Variants in XIRP2 observed in about 807,000 individuals in gnomAD.
The protein encoded by XIRP2 is xin actin binding repeat containing 2.
In XIRP2, 236 loss-of-function variants were observed where a neutral mutation model predicts 277.0. The observed-to-expected ratio is 0.85, with a 90% confidence interval of 0.77 to 0.95. The LOEUF (loss-of-function observed/expected upper bound fraction) is 0.95, where lower values mean the gene tolerates loss of function less well. XIRP2 is among the 40% of genes least tolerant of loss of function. The probability of loss-of-function intolerance (pLI) is 0.00; values close to 1 mark genes in which losing one functional copy is unlikely to be tolerated. For synonymous variants in XIRP2, 1,490 were observed against 1,416.5 expected (o/e 1.05, Z -1.17); for missense variants, 4,640 against 4,157.5 (o/e 1.12, Z -3.19).
chr2:167,081,309 A>G (rs533143249), intron 2 of XIRP2, among the ~76,000 whole-genome samples: 5 of 152,162 alleles, frequency 3.3e-5, no homozygotes, highest in Non-Finnish European at 7.3e-5. Flanking sequence ...TCTGCAAAAA[A>G]TAAAAATTAA....
Position 167,251,656 on chromosome 2 carries a change from A to G in XIRP2, c.10264A>G (p.Met3422Val), listed in dbSNP as rs1273520924. 1.9e-6 allele frequency: 3 copies of G among 1,613,480 alleles called. No individual in the cohort carries two copies. Among genetic ancestry groups the G allele is most frequent in the Non-Finnish European group, 1.7e-6 (2 of 1,179,642 alleles). ...GTCTCTAAGTGAACATTTCTCAGGC[A>G]TGGATGCATTTGAGAGTCAAATTGT... ...TRSLSEHFSG[M>V]DAFESQIVES... The change falls in exon 9 of 11, where the codon ATG (methionine) becomes GTG (valine). Residue 3422 changes from methionine (M) to valine (V), a missense_variant. Physicochemically the swap from Met to Val is conservative, Grantham distance 21. Transcript: ENST00000409195.
chr2:167,245,401 G>T lies in XIRP2; in HGVS notation c.4009G>T (p.Val1337Phe). 6.2e-7 allele frequency: 1 copy of T among 1,613,656 alleles called. No homozygotes were observed. The highest frequency in any genetic ancestry group is 1.7e-5 in the Admixed American group (1 of 59,978). ...AGGGTCCTATCATGAAGTGACCACA[G>T]TTAAAAAAGAAGAGGTAATTCATGG... ...REGSYHEVTT[V>F]KKEEVIHGDV... The change falls in exon 9 of 11, where the codon GTT becomes TTT. Residue 1337 changes from valine to phenylalanine, a missense_variant. Transcript: ENST00000409195.
chr2:167,057,746 G>C (rs1689071566), intron 2 of XIRP2, among the ~76,000 whole-genome samples: 1 of 151,994 alleles, frequency 6.6e-6, no homozygotes, highest in Non-Finnish European at 1.5e-5. Flanking sequence ...AAATCCTGAA[G>C]GAATTTTCTG....
intron 2 of XIRP2, among the ~76,000 whole-genome samples, chr2:166,915,877 CAA>C (rs1000770824): frequency 5.9e-5 from 9 of 152,116 alleles, no homozygotes; most frequent in African/African-American, 2.2e-4. Context: ...AGACTTTTGA[CAA>C]AGACTATTCA....
intron 2 of XIRP2, among the ~76,000 whole-genome samples, chr2:166,967,616 G>C (rs774096743): frequency 6.6e-6 from 1 of 151,824 alleles, no homozygotes; most frequent in African/African-American, 2.4e-5. Flanking sequence ...AGAGGACAGA[G>C]GTCTTATGCT....
chr2:167,144,153 C>T (rs1691801250), intron 3 of XIRP2, among the ~76,000 whole-genome samples: 1 of 150,706 alleles, frequency 6.6e-6, no homozygotes, highest in South Asian at 2.1e-4. Context: ...ATAAGAATAA[C>T]TTAACTAATA....
chr2:167,168,588 G>A (rs1446506083), intron 3 of XIRP2, among the ~76,000 whole-genome samples: 1 of 151,874 alleles, frequency 6.6e-6, no homozygotes, highest in East Asian at 1.9e-4. Context: ...ATTCCTTTTT[G>A]GTTTTTTCTT....
At position 167,088,128 on chromosome 2, in the gene XIRP2, A is replaced by G. The variant is rs369432171; in HGVS notation, c.409-47781A>G. Among the ~76,000 whole-genome samples, 133 of 152,330 alleles carry G rather than the reference A, an allele frequency of 8.7e-4. 6 individuals are homozygous for G. In the South Asian group the frequency reaches 0.027, roughly 31 times the overall value. ...ATAGGAAGTATAGTTGAGCAAAATC[A>G]TGGATGTTTAAAAGTATCAAAAATT... On this transcript the variant is annotated intron_variant, in intron 2 of 10. Coordinates refer to ENST00000409195, the MANE Select transcript of XIRP2 (RefSeq NM_152381.6).
intron 1 of XIRP2, among the ~76,000 whole-genome samples, chr2:166,894,568 G>A (rs998626209): frequency 6.6e-6 from 1 of 152,102 alleles, no homozygotes; most frequent in Admixed American, 6.6e-5. Flanking sequence ...AATCCCAGGG[G>A]AGCTATTGCT....
chr2:166,929,902 A>T (rs1685284096), intron 2 of XIRP2, among the ~76,000 whole-genome samples: 1 of 152,160 alleles, frequency 6.6e-6, no homozygotes, highest in African/African-American at 2.4e-5. Flanking sequence ...AATATTTAAA[A>T]ATATATGTAG....
At chr2:166,931,336 T>G (rs1685331410) in intron 2 of XIRP2, among the ~76,000 whole-genome samples, 1 of 152,126 alleles carries the variant, frequency 6.6e-6, no homozygotes, top group Non-Finnish European at 1.5e-5. Flanking sequence ...TCTGTTGGAT[T>G]TTACATATTT....
intron 3 of XIRP2, among the ~76,000 whole-genome samples, chr2:167,137,481 G>A (rs2105320020): frequency 6.6e-6 from 1 of 152,246 alleles, no homozygotes; most frequent in Non-Finnish European, 1.5e-5. Flanking sequence ...CCTGTGGAGA[G>A]CTTAGCATAG....
chr2:166,915,808 A>G (rs1464898593), intron 2 of XIRP2, among the ~76,000 whole-genome samples: 3 of 152,166 alleles, frequency 2.0e-5, no homozygotes, highest in Admixed American at 1.3e-4. Context: ...CACTGATATA[A>G]TCAGGTTGAG....
chr2:166,986,376 G>C (rs1687005621), intron 2 of XIRP2, among the ~76,000 whole-genome samples: 1 of 152,296 alleles, frequency 6.6e-6, no homozygotes, highest in Middle Eastern at 3.4e-3. Context: ...TTTACAAAGT[G>C]TTTTGAGTTC....
At chr2:166,897,921 A>C (rs1042249437) in intron 1 of XIRP2, among the ~76,000 whole-genome samples, 1 of 152,074 alleles carries the variant, frequency 6.6e-6, no homozygotes, top group Non-Finnish European at 1.5e-5. Flanking sequence ...ATCTGAGTTT[A>C]TCTCTTAGGA....
intron 2 of XIRP2, among the ~76,000 whole-genome samples, chr2:167,033,863 C>A (rs1402898366): frequency 6.6e-6 from 1 of 152,076 alleles, no homozygotes; most frequent in Non-Finnish European, 1.5e-5. Context: ...ACCAGTCCTA[C>A]AGGAAATGCT....
chr2:167,231,664 C>A lies in XIRP2; in HGVS notation c.859-8191C>A, dbSNP rs187738805. On this transcript the variant is annotated intron_variant, in intron 5 of 10. Coordinates refer to ENST00000409195, the MANE Select transcript of XIRP2 (RefSeq NM_152381.6). ...AGAAACTGCAAATACCATACACTCA[C>A]TCTCCTAGCTTTCCTAATGTCTAGG... 5.9e-3 allele frequency among the ~76,000 whole-genome samples: 896 copies of A among 151,990 alleles called. 2 individuals are homozygous for A. The highest frequency in any genetic ancestry group is 0.016 in the South Asian group (77 of 4,826).
intron 1 of XIRP2, among the ~76,000 whole-genome samples, chr2:166,896,340 C>T (rs6722331): frequency 4.6e-5 from 7 of 151,968 alleles, no homozygotes; most frequent in South Asian, 4.1e-4. Flanking sequence ...TGGAGATGAC[C>T]GCTCCGTTTC....
At chr2:167,218,326 A>G in intron 5 of XIRP2, 26 bp downstream of exon 5, 1 of 1,421,404 alleles carries the variant, frequency 7.0e-7, no homozygotes, top group South Asian at 1.8e-5. Flanking sequence ...GTGATGGGTA[A>G]ATCAGGCATG....
Sources: allele counts gnomAD v4.1 joint callset (sites outside exome capture counted in the v4.1 genomes callset), GRCh38; gene constraint gnomAD v4.1.1; transcripts MANE v1.5; gene names NCBI Gene and HGNC (gene_info 2026-07-23, HGNC 2026-07-21).